Variants in PTPRQ observed in about 807,000 individuals in gnomAD.
The protein encoded by PTPRQ is protein tyrosine phosphatase receptor type Q, also known as phosphatidylinositol phosphatase PTPRQ.
In PTPRQ, 199 loss-of-function variants were observed where a neutral mutation model predicts 246.0. The ratio of observed to expected loss-of-function variants is 0.81; its 90% CI spans 0.72 to 0.91. The LOEUF is 0.91. Ranked by LOEUF, PTPRQ falls within the 40% of genes least tolerant of loss-of-function variation. PTPRQ has a pLI of 0.00. For synonymous variants in PTPRQ, 869 were observed against 853.2 expected, an observed-to-expected ratio of 1.02 and a Z score of -0.32; for missense variants, 2,624 against 2,528.4, an observed-to-expected ratio of 1.04 and a Z score of -0.81.
At chr12:80,639,397 T>A (rs1170336257) in intron 35 of PTPRQ, among the ~76,000 whole-genome samples, 1 of 152,014 alleles carries the variant, frequency 6.6e-6, no homozygotes, top group East Asian at 1.9e-4. Flanking sequence ...TAGTCCTCAA[T>A]TTTTTTTCAA....
intron 9 of PTPRQ, among the ~76,000 whole-genome samples, chr12:80,493,053 G>A (rs1386732708): frequency 1.3e-5 from 2 of 151,846 alleles, no homozygotes; most frequent in Admixed American, 6.6e-5. Context: ...ATACAGTATT[G>A]TTCTCTTAGG....
At chr12:80,658,554 A>G (rs1022005642) in intron 39 of PTPRQ, among the ~76,000 whole-genome samples, 10 of 152,160 alleles carry the variant, frequency 6.6e-5, no homozygotes, top group Non-Finnish European at 1.5e-4. Context: ...AATTCATGGA[A>G]TCTTAAAGAA....
At chr12:80,590,305 A>G (rs1449587752) in intron 26 of PTPRQ, among the ~76,000 whole-genome samples, 1 of 152,102 alleles carries the variant, frequency 6.6e-6, no homozygotes, top group Non-Finnish European at 1.5e-5. Flanking sequence ...GCACTAGCCT[A>G]ACTAGCCTCC....
intron 9 of PTPRQ, among the ~76,000 whole-genome samples, chr12:80,485,994 T>C (rs767756796): frequency 2.2e-4 from 34 of 152,152 alleles, no homozygotes; most frequent in Non-Finnish European, 3.7e-4. Context: ...TGTCTCTCAC[T>C]GTGCTATATA....
intron 41 of PTPRQ, 111 bp from the exon 42 acceptor site, chr12:80,670,233 G>A (rs1900925861): frequency 7.0e-7 from 1 of 1,433,742 alleles, no homozygotes; most frequent in Non-Finnish European, 9.4e-7. Context: ...TATTTGGTTT[G>A]GTAAATAGTC....
chr12:80,560,048 G>A (rs556234757), intron 25 of PTPRQ, among the ~76,000 whole-genome samples: 1 of 152,186 alleles, frequency 6.6e-6, no homozygotes, highest in Non-Finnish European at 1.5e-5. Context: ...TTGGGGAAAC[G>A]AGACCAAAGA....
chr12:80,506,646 A>C lies in PTPRQ; in HGVS notation c.2533A>C (p.Ile845Leu). ...LKGEGVRSAP[I>L]SILTEEDAPD... ...AGGTGAAGGAGTTCGGAGTGCTCCC[A>C]TAAGTATACTGACGGAGGAAGATGG... The change falls in exon 16 of 45, where the codon ATA (isoleucine) becomes CTA (leucine). Residue 845 changes from isoleucine to leucine, a missense_variant. Physicochemically the swap from Ile to Leu is conservative, Grantham distance 5. Coordinates refer to ENST00000644991, the MANE Select transcript of PTPRQ (RefSeq NM_001145026.2). 6.5e-7 allele frequency: 1 copy of C among 1,543,652 alleles called. No individual in the cohort carries two copies. The highest frequency in any genetic ancestry group is 1.2e-5 in the South Asian group (1 of 83,238).
chr12:80,545,943 A>G (rs1896291203), intron 23 of PTPRQ, among the ~76,000 whole-genome samples: 1 of 151,964 alleles, frequency 6.6e-6, no homozygotes, highest in Non-Finnish European at 1.5e-5. Flanking sequence ...TAAATTGCAG[A>G]CTGTAATTAT....
At chr12:80,452,654 G>C (rs1039254765) in intron 3 of PTPRQ, among the ~76,000 whole-genome samples, 7 of 152,192 alleles carry the variant, frequency 4.6e-5, no homozygotes, top group Middle Eastern at 3.4e-3. Flanking sequence ...TGAAATTCTG[G>C]GTTGCAAATT....
chr12:80,463,167 CT>C (rs1348505077), intron 6 of PTPRQ, among the ~76,000 whole-genome samples: 2 of 152,092 alleles, frequency 1.3e-5, no homozygotes, highest in African/African-American at 2.4e-5. Flanking sequence ...CAGAGAAGTG[CT>C]TAAAGGAGCT....
intron 25 of PTPRQ, among the ~76,000 whole-genome samples, chr12:80,579,171 T>A (rs914812669): frequency 6.6e-6 from 1 of 152,202 alleles, no homozygotes; most frequent in Non-Finnish European, 1.5e-5. Context: ...TGCCTATTCC[T>A]AATAACAAGT....
chr12:80,666,194 A>C (rs1185619601), intron 39 of PTPRQ, among the ~76,000 whole-genome samples: 2 of 152,030 alleles, frequency 1.3e-5, no homozygotes, highest in Non-Finnish European at 2.9e-5. Context: ...GAATGAATAA[A>C]GAAAATATGC....
At chr12:80,557,675 A>G (rs1294910381) in intron 25 of PTPRQ, among the ~76,000 whole-genome samples, 1 of 152,200 alleles carries the variant, frequency 6.6e-6, no homozygotes, top group African/African-American at 2.4e-5. Context: ...TGTAGATTCA[A>G]ATGTAGTTAT....
chr12:80,586,559 G>T (rs555593632), intron 25 of PTPRQ: 2 of 152,072 alleles, frequency 1.3e-5, no homozygotes, highest in East Asian at 3.9e-4. Flanking sequence ...TATACCCAAA[G>T]GACTATAAAT....
intron 26 of PTPRQ, among the ~76,000 whole-genome samples, chr12:80,603,219 T>C (rs1373579602): frequency 6.6e-6 from 1 of 151,666 alleles, no homozygotes; most frequent in African/African-American, 2.4e-5. Context: ...ATCCCTTCTG[T>C]CACTATTCTT....
intron 33 of PTPRQ, among the ~76,000 whole-genome samples, chr12:80,628,741 G>A (rs1899301972): frequency 6.6e-6 from 1 of 151,956 alleles, no homozygotes; most frequent in South Asian, 2.1e-4. Flanking sequence ...CTGGAGGAAA[G>A]GACAGAGAAT....
chr12:80,542,870 A>T lies in PTPRQ; in HGVS notation c.3862A>T (p.Ile1288Leu). 6.6e-7 allele frequency: 1 copy of T among 1,504,396 alleles called. No homozygotes were observed. The highest frequency in any genetic ancestry group is 8.9e-7 in the Non-Finnish European group (1 of 1,119,828). 93.2% of individuals were successfully genotyped at this position (1,504,396 alleles called of 1,614,324 possible). ...AATTCATGAACATGAAACTGACACT[A>T]TATATTATAAGGTAGGTTGATTATA... ...FKIHEHETDT[I>L]YYKNISGFKT... Residue 1288 changes from isoleucine (I) to leucine (L), a missense_variant, in exon 23 of 45, where the codon ATA (isoleucine) becomes TTA (leucine). Transcript: ENST00000644991.
intron 26 of PTPRQ, among the ~76,000 whole-genome samples, chr12:80,598,698 A>G (rs1898047042): frequency 1.3e-5 from 2 of 151,944 alleles, no homozygotes; most frequent in African/African-American, 4.8e-5. Context: ...CTGAAACTAA[A>G]ACACCCTGAG....
chr12:80,657,989 T>C lies in PTPRQ; in HGVS notation c.6120T>C (p.Asn2040=). The C allele has an allele frequency of 7.0e-7, 1 of 1,418,734 alleles. No individual in the cohort carries two copies. Among genetic ancestry groups the C allele is most frequent in the Admixed American group, 3.2e-5 (1 of 30,812 alleles). 87.9% of individuals were successfully genotyped at this position (1,418,734 alleles called of 1,614,324 possible). A position where few individuals can be genotyped will look rare whatever the true frequency, so the allele number is the denominator to read the frequency against. ...ATTCCTTATATTTTCTTCTAGATAATAATAACAGAGTAAAGCTGATAGCTG... is the reference window on the plus strand; with the variant it reads ...ATTCCTTATATTTTCTTCTAGATAACAATAACAGAGTAAAGCTGATAGCTG... The part of the protein sequence containing the change: ...KNRFPNIKPY[N]NNRVKLIADA... Residue 2040 remains asparagine, a synonymous_variant, in exon 39 of 45, where the codon AAT becomes AAC. Transcript: ENST00000644991.
Sources: gnomAD v4.1 joint callset for allele counts (sites outside exome capture counted in the v4.1 genomes callset) on GRCh38, gnomAD v4.1.1 for gene constraint, MANE v1.5 for transcripts, NCBI Gene and HGNC (gene_info 2026-07-23, HGNC 2026-07-21) for gene names.